The following HOOK1 variants were observed in gnomAD, a reference collection of about 807,000 sequenced individuals.
HOOK1 encodes the protein hook microtubule tethering protein 1.
A neutral mutation model predicts 112.8 loss-of-function variants in HOOK1; 60 were observed. That is an observed-to-expected ratio of 0.53 (90% CI 0.43 to 0.66). The LOEUF is 0.66. Among genes scored for constraint, HOOK1 ranks in the 30% least tolerant of loss-of-function variants. The probability of loss-of-function intolerance (pLI) is 0.00; values close to 1 mark genes in which losing one functional copy is unlikely to be tolerated. For synonymous variants in HOOK1, 294 were observed against 283.8 expected (o/e 1.04, Z -0.36); for missense variants, 770 against 856.0 (o/e 0.90, Z 1.25).
At chr1:59,838,428 C>A (rs369858124) in intron 7 of HOOK1, among the ~76,000 whole-genome samples, 2 of 152,144 alleles carry the variant, frequency 1.3e-5, no homozygotes, top group African/African-American at 2.4e-5. Context: ...TTTTGATTTG[C>A]GTTTCTCTAA....
intron 8 of HOOK1, among the ~76,000 whole-genome samples, chr1:59,841,081 G>A (rs113435074): frequency 3.3e-5 from 5 of 152,246 alleles, no homozygotes; most frequent in African/African-American, 1.2e-4. Flanking sequence ...GAGTGGTCGT[G>A]AGGGTTAAAT....
At chr1:59,823,274 CCT>C (rs1200569054) in intron 2 of HOOK1, among the ~76,000 whole-genome samples, 10 of 152,304 alleles carry the variant, frequency 6.6e-5, no homozygotes, top group African/African-American at 2.2e-4. Context: ...GAGCCGAGAT[CCT>C]GCCACTGCAC....
Position 59,865,291 on chromosome 1 carries a change from A to G in HOOK1, c.1744+46A>G, listed in dbSNP as rs775134625. 2.6e-6 allele frequency: 3 copies of G among 1,169,902 alleles called. No homozygotes were observed. In the Admixed American group the frequency reaches 5.2e-5, roughly 20 times the overall value. The allele number at this position is 1,169,902 out of a possible 1,614,324, so 72.5% of individuals were successfully genotyped here. ...GGATCAGACAACAGTATATCTAAGG[A>G]CTTACCCTTTTTTATTGAAGGATCC... is the stretch of plus-strand genomic sequence containing the variant. On this transcript the variant is annotated intron_variant, in intron 18 of 21. Coordinates refer to ENST00000371208, the MANE Select transcript of HOOK1 (RefSeq NM_015888.6).
At chr1:59,836,778 T>G in intron 6 of HOOK1, 95 bp from the exon 7 acceptor site, 1 of 715,002 alleles carries the variant, frequency 1.4e-6, no homozygotes, top group Non-Finnish European at 2.2e-6. Flanking sequence ...AAGGAAAAGC[T>G]AAATATAAAT....
intron 12 of HOOK1, among the ~76,000 whole-genome samples, chr1:59,855,741 C>T (rs2098410105): frequency 6.6e-6 from 1 of 150,958 alleles, no homozygotes; most frequent in Non-Finnish European, 1.5e-5. Context: ...TGATACTCCT[C>T]TGCTGAAGTC....
chr1:59,836,222 A>G lies in HOOK1; in HGVS notation c.475-651A>G, dbSNP rs1035126618. 3.3e-5 allele frequency among the ~76,000 whole-genome samples: 5 copies of G among 152,288 alleles called. No homozygotes were observed. The South Asian group carries it at 1.0e-3, about 32-fold the overall frequency. ...TCTAGTTATCTAAGTTGAGCCAGGAAGGATTCAGAATTAATGTGGTGCAGA... is the reference window on the plus strand; with the variant it reads ...TCTAGTTATCTAAGTTGAGCCAGGAGGGATTCAGAATTAATGTGGTGCAGA... On this transcript the variant is annotated intron_variant, in intron 6 of 21. Coordinates refer to ENST00000371208, the MANE Select transcript of HOOK1 (RefSeq NM_015888.6).
chr1:59,830,347 C>A (rs1251974977), intron 3 of HOOK1, among the ~76,000 whole-genome samples: 1 of 151,732 alleles, frequency 6.6e-6, no homozygotes, highest in Non-Finnish European at 1.5e-5. Context: ...CATTTTTTTG[C>A]TTTTTACTTC....
chr1:59,863,084 C>G (rs887977005), intron 16 of HOOK1, among the ~76,000 whole-genome samples: 1 of 152,134 alleles, frequency 6.6e-6, no homozygotes, highest in Non-Finnish European at 1.5e-5. Flanking sequence ...TGATTTCTGT[C>G]TGTCCTGCTT....
rs1480193843 is a variant in HOOK1, at chr1:59,849,073, G to A, written c.1132G>A (p.Val378Ile). Residue 378 changes from valine to isoleucine, a missense_variant and splice_region_variant, in exon 12 of 22, where the codon GTT becomes ATT. By Grantham distance (29) the Val-to-Ile change is conservative. Around this residue, in one of 3 missense-constraint regions of HOOK1, gnomAD observed 655 missense variants for 725.9 expected, o/e 0.90. Coordinates refer to ENST00000371208, the MANE Select transcript of HOOK1 (RefSeq NM_015888.6). ...RTQLETYKRQ[V>I]QDLHVKLSSE... Reference sequence around the variant, plus strand: ...TTTTTCCTTTTGTTTCTGACATTAGGTTCAAGATCTTCATGTTAAACTTTC... The same window carrying A: ...TTTTTCCTTTTGTTTCTGACATTAGATTCAAGATCTTCATGTTAAACTTTC... The A allele has an allele frequency of 6.3e-7, 1 of 1,597,702 alleles. No homozygotes were observed. Among genetic ancestry groups the A allele is most frequent in the South Asian group, 1.1e-5 (1 of 89,370 alleles).
intron 7 of HOOK1, among the ~76,000 whole-genome samples, chr1:59,839,651 T>C (rs2098399893): frequency 6.6e-6 from 1 of 152,192 alleles, no homozygotes; most frequent in African/African-American, 2.4e-5. Context: ...ACAATTTGGC[T>C]TCCTCTCTTC....
At chr1:59,855,959 T>TAAAAAAAA (rs1559057957) in intron 12 of HOOK1, among the ~76,000 whole-genome samples, 1 of 84,246 alleles carries the variant, frequency 1.2e-5, no homozygotes, top group African/African-American at 5.4e-5. Flanking sequence ...TATATATATA[T>TAAAAAAAA]AAATTATTAT....
chr1:59,816,253 C>T lies in HOOK1; in HGVS notation c.63+1073C>T, dbSNP rs887983350. ...ATGTGTGAAGCCTATTGGAAATAGC[C>T]ATAATTTAAAGCATTTACACTTTGT... On this transcript the variant is annotated intron_variant, in intron 1 of 21. Coordinates refer to ENST00000371208, the MANE Select transcript of HOOK1 (RefSeq NM_015888.6). Among the ~76,000 whole-genome samples, 4 of 152,066 alleles carry T rather than the reference C, an allele frequency of 2.6e-5. No homozygotes were observed. In the East Asian group the frequency reaches 5.8e-4, roughly 22 times the overall value.
chr1:59,818,080 T>C (rs933113939), intron 1 of HOOK1, among the ~76,000 whole-genome samples: 24 of 152,154 alleles, frequency 1.6e-4, no homozygotes, highest in Non-Finnish European at 2.8e-4. Flanking sequence ...TCATAGAGGA[T>C]TGTTGGATTT....
intron 13 of HOOK1, among the ~76,000 whole-genome samples, chr1:59,858,761 GGGAA>G (rs202046503): frequency 1.4e-3 from 207 of 146,670 alleles, no homozygotes; most frequent in African/African-American, 4.4e-3. Flanking sequence ...GAAAGAAGGA[GGGAA>G]GGAAGGAAGG....
chr1:59,872,551 T>C (rs1407691773), intron 21 of HOOK1, among the ~76,000 whole-genome samples: 2 of 152,218 alleles, frequency 1.3e-5, no homozygotes, highest in Non-Finnish European at 2.9e-5. Context: ...CAGGCCATTC[T>C]TTTAAGTTAC....
At chr1:59,830,344 T>C (rs1559045959) in intron 3 of HOOK1, among the ~76,000 whole-genome samples, 1 of 152,258 alleles carries the variant, frequency 6.6e-6, no homozygotes, top group East Asian at 1.9e-4. Flanking sequence ...TTGCATTTTT[T>C]TGCTTTTTAC....
chr1:59,869,792 T>G (rs535182752), intron 20 of HOOK1, among the ~76,000 whole-genome samples: 1 of 152,286 alleles, frequency 6.6e-6, no homozygotes, highest in South Asian at 2.1e-4. Context: ...ATGCTATTCT[T>G]GAAATTCTAA....
At chr1:59,863,792 TC>T (rs201999591) in intron 16 of HOOK1, 5 of 749,246 alleles carry the variant, frequency 6.7e-6, no homozygotes, top group Non-Finnish European at 7.3e-6. Context: ...TATATTATTT[TC>T]TTTTTTTTTT....
intron 12 of HOOK1, among the ~76,000 whole-genome samples, chr1:59,852,241 T>C (rs2098407528): frequency 6.6e-6 from 1 of 151,742 alleles, no homozygotes; most frequent in Non-Finnish European, 1.5e-5. Flanking sequence ...AATTCTTCTT[T>C]AAATGTTTTG....
Sources: gnomAD v4.1 joint callset for allele counts (sites outside exome capture counted in the v4.1 genomes callset) on GRCh38, gnomAD v4.1.1 for gene constraint, gnomAD v4.1.1 regional missense constraint, MANE v1.5 for transcripts, NCBI Gene and HGNC (gene_info 2026-07-23, HGNC 2026-07-21) for gene names.